TMEM117: variants seen among roughly 807,000 people sequenced by gnomAD.
TMEM117 encodes transmembrane protein 117.
A neutral mutation model predicts 52.4 loss-of-function variants in TMEM117; 27 were observed. That is an observed-to-expected ratio of 0.51 (90% confidence interval 0.38 to 0.71). TMEM117 has a LOEUF of 0.71. Among genes scored for constraint, TMEM117 ranks in the 30% least tolerant of loss-of-function variants. TMEM117 has a pLI of 0.00. For missense variants in TMEM117, 556 were observed against 630.5 expected (o/e 0.88, Z 1.26); for synonymous variants, 215 against 206.3 (o/e 1.04, Z -0.36).
intron 4 of TMEM117, among the ~76,000 whole-genome samples, chr12:44,191,396 TATCA>T (rs1460515969): frequency 6.6e-6 from 1 of 152,126 alleles, no homozygotes; most frequent in Non-Finnish European, 1.5e-5. Flanking sequence ...TCTATCTATG[TATCA>T]ATCATTTATC....
chr12:44,109,998 G>A (rs372427280), intron 3 of TMEM117, among the ~76,000 whole-genome samples: 1 of 91,880 alleles, frequency 1.1e-5, no homozygotes, highest in Non-Finnish European at 2.0e-5. Context: ...CCATGATTTG[G>A]CTCTCTGTTT....
In TMEM117 at chr12:43,851,161, A is replaced by G. The variant is rs539558496; in HGVS notation, c.277+6233A>G. Among the ~76,000 whole-genome samples the G allele has an allele frequency of 3.9e-5, 6 of 152,312 alleles. No individual in the cohort carries two copies. In the East Asian group the frequency reaches 1.2e-3, roughly 29 times the overall value. ...CTTCTTAGTAGATTCCAGAAGGACAATACAGTATTGCCAATTTAAGGGATG... is the reference window on the plus strand; with the variant it reads ...CTTCTTAGTAGATTCCAGAAGGACAGTACAGTATTGCCAATTTAAGGGATG... On this transcript the variant is annotated intron_variant, in intron 2 of 7. Transcript: ENST00000266534.
chr12:43,929,033 T>G (rs1944829528), intron 2 of TMEM117, among the ~76,000 whole-genome samples: 1 of 151,696 alleles, frequency 6.6e-6, no homozygotes, highest in African/African-American at 2.4e-5. Flanking sequence ...TTTGCTATTG[T>G]GAATAGTGCC....
intron 3 of TMEM117, among the ~76,000 whole-genome samples, chr12:44,031,512 T>C (rs956449820): frequency 1.8e-4 from 27 of 152,210 alleles, no homozygotes; most frequent in African/African-American, 6.3e-4. Flanking sequence ...AGGACTCTCA[T>C]TGATAGCTGA....
intron 3 of TMEM117, among the ~76,000 whole-genome samples, chr12:43,977,832 C>G (rs1945697314): frequency 6.6e-6 from 1 of 152,062 alleles, no homozygotes; most frequent in Non-Finnish European, 1.5e-5. Flanking sequence ...CCCATAAATG[C>G]AAAAGTTGAG....
At chr12:44,218,230 C>T (rs59963240) in intron 5 of TMEM117, among the ~76,000 whole-genome samples, 1 of 148,766 alleles carries the variant, frequency 6.7e-6, no homozygotes, top group African/African-American at 2.5e-5. Flanking sequence ...TCAAAAAAAA[C>T]AAAAAACAAA....
chr12:44,132,925 GCA>G (rs1948437117), intron 3 of TMEM117, among the ~76,000 whole-genome samples: 1 of 152,170 alleles, frequency 6.6e-6, no homozygotes, highest in African/African-American at 2.4e-5. Flanking sequence ...TGTGAATAAA[GCA>G]CAGTGTATTT....
chr12:44,381,360 C>T (rs1952017696), intron 7 of TMEM117, among the ~76,000 whole-genome samples: 1 of 152,098 alleles, frequency 6.6e-6, no homozygotes, highest in Non-Finnish European at 1.5e-5. Flanking sequence ...AAGGTAAGTG[C>T]ATAGATGGAT....
chr12:43,869,925 C>G (rs528143484), intron 2 of TMEM117, among the ~76,000 whole-genome samples: 5 of 152,142 alleles, frequency 3.3e-5, no homozygotes, highest in African/African-American at 7.2e-5. Context: ...CCACCACCCC[C>G]CATACTCTCC....
intron 3 of TMEM117, among the ~76,000 whole-genome samples, chr12:43,945,252 C>G (rs1393902419): frequency 6.6e-6 from 1 of 152,160 alleles, no homozygotes; most frequent in East Asian, 1.9e-4. Context: ...TTCTTCACTT[C>G]TTTCTTTCAT....
intron 3 of TMEM117, among the ~76,000 whole-genome samples, chr12:43,977,193 G>A (rs1945685050): frequency 2.6e-5 from 4 of 152,188 alleles, no homozygotes; most frequent in Admixed American, 2.6e-4. Flanking sequence ...CAGATTATCT[G>A]AAGTGAATGG....
chr12:43,976,400 G>T lies in TMEM117; in HGVS notation c.410+32058G>T, dbSNP rs926626982. ...CACTAGGGGCCCAAGAGAGTTAGCA[G>T]CCCCCCTAAGCTGGCAACGCTCACA... On this transcript the variant is annotated intron_variant, in intron 3 of 7. Coordinates refer to ENST00000266534, the MANE Select transcript of TMEM117 (RefSeq NM_032256.3). Among the ~76,000 whole-genome samples, 5 of 151,940 alleles carry T rather than the reference G, an allele frequency of 3.3e-5. No individual in the cohort carries two copies. The East Asian group carries it at 9.6e-4, about 29-fold the overall frequency.
chr12:44,312,626 A>G (rs141269558), intron 6 of TMEM117, among the ~76,000 whole-genome samples: 99 of 152,218 alleles, frequency 6.5e-4, no homozygotes, highest in African/African-American at 2.2e-3. Context: ...TTGAGTATAT[A>G]CCCAGTGATA....
intron 5 of TMEM117, among the ~76,000 whole-genome samples, chr12:44,214,520 A>G (rs1592612294): frequency 6.6e-6 from 1 of 152,224 alleles, no homozygotes; most frequent in Non-Finnish European, 1.5e-5. Context: ...TGGGTATTCT[A>G]AAACGTAGTT....
chr12:44,116,088 A>G (rs1948137799), intron 3 of TMEM117, among the ~76,000 whole-genome samples: 1 of 152,200 alleles, frequency 6.6e-6, no homozygotes, highest in African/African-American at 2.4e-5. Context: ...ATTCTTGCTG[A>G]AGTCAATAAT....
At chr12:44,394,488 T>C (rs1381382605), downstream of TMEM117, among the ~76,000 whole-genome samples, 2 of 152,362 alleles carry the variant, frequency 1.3e-5, no homozygotes, top group South Asian at 2.1e-4. Context: ...AGCTGCAATG[T>C]AATCCCTTTT....
chr12:44,138,944 T>C (rs1373082201), intron 3 of TMEM117, among the ~76,000 whole-genome samples: 2 of 152,200 alleles, frequency 1.3e-5, no homozygotes, highest in African/African-American at 4.8e-5. Flanking sequence ...GTTTAGTTCC[T>C]GGCATTTTGT....
At position 44,280,192 on chromosome 12, in the gene TMEM117, T is replaced by C. The variant is rs840769; in HGVS notation, c.609-19388T>C. ...GCCCTGACCTTTTCTTGGTCTAGAT[T>C]CCTATCTCCAGCTGACTGTTGTTAA... On this transcript the variant is annotated intron_variant, in intron 5 of 7. Transcript: ENST00000266534. 6.1e-3 allele frequency among the ~76,000 whole-genome samples: 935 copies of C among 152,296 alleles called. 9 individuals are homozygous for C. The highest frequency in any genetic ancestry group is 0.022 in the African/African-American group (907 of 41,572).
intron 6 of TMEM117, among the ~76,000 whole-genome samples, chr12:44,352,893 C>G (rs1951585658): frequency 6.6e-6 from 1 of 152,114 alleles, no homozygotes; most frequent in Non-Finnish European, 1.5e-5. Flanking sequence ...AATGGTTGAA[C>G]TAGTTTACAG....
Sources: allele counts gnomAD v4.1 joint callset (sites outside exome capture counted in the v4.1 genomes callset), GRCh38; gene constraint gnomAD v4.1.1; transcripts MANE v1.5; gene names NCBI Gene and HGNC (gene_info 2026-07-23, HGNC 2026-07-21).